SSTR4: variants seen among roughly 807,000 people sequenced by gnomAD.
SSTR4 encodes the protein somatostatin receptor type 4.
For synonymous variants in SSTR4, 272 were observed against 246.3 expected (o/e 1.10, Z -0.98); for missense variants, 649 against 540.6 (o/e 1.20, Z -1.99).
chr20:23,036,835 C>T lies in SSTR4; in HGVS notation c.*185C>T. 1.6e-6 allele frequency: 1 copy of T among 626,558 alleles called. No homozygotes were observed. Among genetic ancestry groups the T allele is most frequent in the South Asian group, 3.3e-5 (1 of 30,510 alleles). The allele number at this position is 626,558 out of a possible 1,614,324, so 38.8% of individuals were successfully genotyped here. ...TGCTCTCCTCTCCCCTGCACTCTGG[C>T]TTTCAAAAGGATGCTTCCATATGGG... On this transcript the variant is annotated 3_prime_UTR_variant, in exon 1 of 1. Transcript: ENST00000255008.
At position 23,038,538 on chromosome 20, in the gene SSTR4, G is replaced by C. The variant is rs1252906319; in HGVS notation, c.*1888G>C. On this transcript the variant is annotated 3_prime_UTR_variant, in exon 1 of 1. Transcript: ENST00000255008. ...AGCCTTTTTAACTTAGTTGATGAAG[G>C]TTGAAGGAGAGGCAGCTTCAGGTGA... Among the ~76,000 whole-genome samples the C allele has an allele frequency of 6.6e-6, 1 of 152,176 alleles. No homozygotes were observed. The highest frequency in any genetic ancestry group is 2.4e-5 in the African/African-American group (1 of 41,412).
chr20:23,038,313 G>T lies in SSTR4; in HGVS notation c.*1663G>T, dbSNP rs1461385923. 1 of 152,220 alleles carries T rather than the reference G, an allele frequency of 6.6e-6. No individual in the cohort carries two copies. Among genetic ancestry groups the T allele is most frequent in the Non-Finnish European group, 1.5e-5 (1 of 68,064 alleles). The allele number at this position is 152,220 out of a possible 1,614,324, so 9.4% of individuals were successfully genotyped here. A position where few individuals can be genotyped will look rare whatever the true frequency, so the allele number is the denominator to read the frequency against. On this transcript the variant is annotated 3_prime_UTR_variant, in exon 1 of 1. Coordinates refer to ENST00000255008, the MANE Select transcript of SSTR4 (RefSeq NM_001052.4). The stretch of plus-strand genomic sequence containing the variant: ...CAGGTTGATAGTAGTGAGGTGAGGG[G>T]TTCACAGCACTGGCAGTGGTCCCCA...
At position 23,037,904 on chromosome 20, in the gene SSTR4, G is replaced by A. The variant is rs1392744512; in HGVS notation, c.*1254G>A. Among the ~76,000 whole-genome samples the A allele has an allele frequency of 1.3e-5, 2 of 152,158 alleles. No individual in the cohort carries two copies. Among genetic ancestry groups the A allele is most frequent in the Non-Finnish European group, 1.5e-5 (1 of 68,028 alleles). The stretch of plus-strand genomic sequence containing the variant: ...TGGTATGGGGAAGATGGTGTGGGGA[G>A]GGGGAGAGACAGCCAAAGGTCAACA... On this transcript the variant is annotated 3_prime_UTR_variant, in exon 1 of 1. Transcript: ENST00000255008.
In SSTR4 at chr20:23,035,570, G is replaced by C. The variant is rs1464705954; in HGVS notation, c.87G>C (p.Pro29=). 1.5e-5 allele frequency: 23 copies of C among 1,580,436 alleles called. No homozygotes were observed. The highest frequency in any genetic ancestry group is 2.0e-5 in the Non-Finnish European group (23 of 1,166,666). ...WPSAANASSA[P]AEAEEAVAGP... ...CTGCAGCCAATGCCAGTAGCGCTCC[G>C]GCGGAGGCGGAGGAGGCGGTGGCGG... is the stretch of plus-strand genomic sequence containing the variant. Residue 29 remains proline, a synonymous_variant, in exon 1 of 1, where the codon CCG becomes CCC. Transcript: ENST00000255008.
At position 23,038,409 on chromosome 20, in the gene SSTR4, ACTCT is replaced by A. The variant is rs1984385306; in HGVS notation, c.*1762_*1765del. On this transcript the variant is annotated 3_prime_UTR_variant, in exon 1 of 1. Transcript: ENST00000255008. ...GTCTCTCAGTGATCAGACTGGGCAAACTCTCTGATAAGCAAGACAGGGCACCTAC... is the reference window on the plus strand; with the variant it reads ...GTCTCTCAGTGATCAGACTGGGCAAACTGATAAGCAAGACAGGGCACCTAC... 6.6e-6 allele frequency: 1 copy of A among 152,072 alleles called. No homozygotes were observed. Among genetic ancestry groups the A allele is most frequent in the Non-Finnish European group, 1.5e-5 (1 of 68,048 alleles). The allele number at this position is 152,072 out of a possible 1,614,324, so 9.4% of individuals were successfully genotyped here.
rs1205919696 is a variant in SSTR4, at chr20:23,036,085, A to G, written c.602A>G (p.Gln201Arg). 1 of 1,598,026 alleles carries G rather than the reference A, an allele frequency of 6.3e-7. No homozygotes were observed. Among genetic ancestry groups the G allele is most frequent in the African/African-American group, 1.3e-5 (1 of 74,846 alleles). The change falls in exon 1 of 1, where the codon CAG becomes CGG. Residue 201 changes from glutamine to arginine, a missense_variant. Coordinates refer to ENST00000255008, the MANE Select transcript of SSTR4 (RefSeq NM_001052.4). ...GGCCAGGCCGTGGCCTGCAACCTGCAGTGGCCACACCCGGCCTGGTCGGCA... is the reference window on the plus strand; with the variant it reads ...GGCCAGGCCGTGGCCTGCAACCTGCGGTGGCCACACCCGGCCTGGTCGGCA... ...RGGQAVACNL[Q>R]WPHPAWSAVF... is the part of the protein sequence containing the mutation.
rs1464108699 is a variant in SSTR4, at chr20:23,036,387, G to A, written c.904G>A (p.Ala302Thr). 1 of 1,613,988 alleles carries A rather than the reference G, an allele frequency of 6.2e-7. No homozygotes were observed. Among genetic ancestry groups the A allele is most frequent in the Non-Finnish European group, 8.5e-7 (1 of 1,179,984 alleles). Residue 302 changes from alanine to threonine, a missense_variant, in exon 1 of 1, where the codon GCC becomes ACC. Coordinates refer to ENST00000255008, the MANE Select transcript of SSTR4 (RefSeq NM_001052.4). ...VNHVSLILSY[A>T]NSCANPILYG... Reference sequence around the variant, plus strand: ...CCACGTGTCCCTTATCCTTAGCTATGCCAACAGCTGCGCCAACCCCATTCT... The same window carrying A: ...CCACGTGTCCCTTATCCTTAGCTATACCAACAGCTGCGCCAACCCCATTCT...
chr20:23,035,535 G>T lies in SSTR4; in HGVS notation c.52G>T (p.Ala18Ser). The T allele has an allele frequency of 6.3e-7, 1 of 1,591,142 alleles. No individual in the cohort carries two copies. The highest frequency in any genetic ancestry group is 8.5e-7 in the Non-Finnish European group (1 of 1,171,692). Reference protein sequence around the residue: ...PPGGEEGLGTAWPSAANASSA... With the variant: ...PPGGEEGLGTSWPSAANASSA... ...CGGGGGCGAGGAAGGGCTGGGGACG[G>T]CCTGGCCCTCTGCAGCCAATGCCAG... The change falls in exon 1 of 1, where the codon GCC (alanine) becomes TCC (serine). Residue 18 changes from alanine to serine, a missense_variant. Physicochemically the swap from Ala to Ser is moderately conservative, Grantham distance 99. Coordinates refer to ENST00000255008, the MANE Select transcript of SSTR4 (RefSeq NM_001052.4).
In SSTR4 at chr20:23,035,826, G is replaced by T; in HGVS notation, c.343G>T (p.Gly115Cys). ...GGCCGCCCTGCGCCACTGGCCCTTCGGCTCCGTGCTGTGCCGCGCGGTGCT... is the reference window on the plus strand; with the variant it reads ...GGCCGCCCTGCGCCACTGGCCCTTCTGCTCCGTGCTGTGCCGCGCGGTGCT... Reference protein sequence around the residue: ...SSAALRHWPFGSVLCRAVLSV... With the variant: ...SSAALRHWPFCSVLCRAVLSV... Residue 115 changes from glycine (G) to cysteine (C), a missense_variant, in exon 1 of 1, where the codon GGC (glycine) becomes TGC (cysteine). Physicochemically the swap from Gly to Cys is radical, Grantham distance 159. Transcript: ENST00000255008. 6.3e-7 allele frequency: 1 copy of T among 1,591,358 alleles called. No homozygotes were observed. Among genetic ancestry groups the T allele is most frequent in the Non-Finnish European group, 8.6e-7 (1 of 1,168,958 alleles).
In SSTR4 at chr20:23,035,538, T is replaced by C; in HGVS notation, c.55T>C (p.Trp19Arg). 6.3e-7 allele frequency: 1 copy of C among 1,592,612 alleles called. No individual in the cohort carries two copies. Residue 19 changes from tryptophan to arginine, a missense_variant, in exon 1 of 1, where the codon TGG becomes CGG. Transcript: ENST00000255008. ...PGGEEGLGTA[W>R]PSAANASSAP... is the part of the protein sequence containing the mutation. Reference sequence around the variant, plus strand: ...GGGCGAGGAAGGGCTGGGGACGGCCTGGCCCTCTGCAGCCAATGCCAGTAG... The same window carrying C: ...GGGCGAGGAAGGGCTGGGGACGGCCCGGCCCTCTGCAGCCAATGCCAGTAG...
In SSTR4 at chr20:23,037,108, C is replaced by T. The variant is rs1984351888; in HGVS notation, c.*458C>T. ...GGAGGAAGGAAGATGCCCCCAGGCA[C>T]CTGCCCTTTATGTCTCTTCCTGAGC... On this transcript the variant is annotated 3_prime_UTR_variant, in exon 1 of 1. Transcript: ENST00000255008. Among the ~76,000 whole-genome samples the T allele has an allele frequency of 1.3e-5, 2 of 152,182 alleles. No homozygotes were observed. The highest frequency in any genetic ancestry group is 4.8e-5 in the African/African-American group (2 of 41,442).
chr20:23,035,501 G>A lies in SSTR4; in HGVS notation c.18G>A (p.Thr6=). 1 of 1,551,860 alleles carries A rather than the reference G, an allele frequency of 6.4e-7. No individual in the cohort carries two copies. The change falls in exon 1 of 1, where the codon ACG becomes ACA. Residue 6 remains threonine (T), a synonymous_variant. Transcript: ENST00000255008. The stretch of plus-strand genomic sequence containing the variant: ...CCCTGGTCATGAGCGCCCCCTCGAC[G>A]CTGCCCCCCGGGGGCGAGGAAGGGC... MSAPS[T]LPPGGEEGLG... is the part of the protein sequence containing the mutation.
At position 23,035,646 on chromosome 20, in the gene SSTR4, G is replaced by T. The variant is rs749577596; in HGVS notation, c.163G>T (p.Ala55Ser). The T allele has an allele frequency of 1.3e-6, 2 of 1,539,688 alleles. No individual in the cohort carries two copies. Among genetic ancestry groups the T allele is most frequent in the Admixed American group, 2.0e-5 (1 of 48,788 alleles). The stretch of plus-strand genomic sequence containing the variant: ...CATGGTCGCTATCCAGTGCATCTAC[G>T]CGCTGGTGTGCCTGGTGGGGCTGGT... Reference protein sequence around the residue: ...AGMVAIQCIYALVCLVGLVGN... With the variant: ...AGMVAIQCIYSLVCLVGLVGN... The change falls in exon 1 of 1, where the codon GCG becomes TCG. Residue 55 changes from alanine (A) to serine (S), a missense_variant. Coordinates refer to ENST00000255008, the MANE Select transcript of SSTR4 (RefSeq NM_001052.4).
chr20:23,038,522 A>G lies in SSTR4; in HGVS notation c.*1872A>G, dbSNP rs1011399214. Reference sequence around the variant, plus strand: ...TCTATTTAGAAATGTCAGCCTTTTTAACTTAGTTGATGAAGGTTGAAGGAG... The same window carrying G: ...TCTATTTAGAAATGTCAGCCTTTTTGACTTAGTTGATGAAGGTTGAAGGAG... On this transcript the variant is annotated 3_prime_UTR_variant, in exon 1 of 1. Coordinates refer to ENST00000255008, the MANE Select transcript of SSTR4 (RefSeq NM_001052.4). Among the ~76,000 whole-genome samples, 2 of 152,186 alleles carry G rather than the reference A, an allele frequency of 1.3e-5. No homozygotes were observed. Among genetic ancestry groups the G allele is most frequent in the Non-Finnish European group, 2.9e-5 (2 of 68,028 alleles).
chr20:23,036,311 C>G lies in SSTR4; in HGVS notation c.828C>G (p.Tyr276Ter). ...TTGTGCTCTGCTGGATGCCTTTCTA[C>G]GTGGTGCAGCTGCTGAACCTCTTCG... ...VVFVLCWMPF[Y>*]VVQLLNLFVT... The change falls in exon 1 of 1, where the codon TAC becomes TAG. Residue 276 changes from tyrosine to a stop codon, truncating the protein, a stop_gained. Coordinates refer to ENST00000255008, the MANE Select transcript of SSTR4 (RefSeq NM_001052.4). LOFTEE classifies it low-confidence loss of function (END_TRUNC). 6.2e-7 allele frequency: 1 copy of G among 1,614,154 alleles called. No homozygotes were observed. Among genetic ancestry groups the G allele is most frequent in the Non-Finnish European group, 8.5e-7 (1 of 1,180,008 alleles).
At position 23,035,593 on chromosome 20, in the gene SSTR4, C is replaced by T. The variant is rs770013761; in HGVS notation, c.110C>T (p.Ala37Val). Residue 37 changes from alanine (A) to valine (V), a missense_variant, in exon 1 of 1, where the codon GCG (alanine) becomes GTG (valine). Coordinates refer to ENST00000255008, the MANE Select transcript of SSTR4 (RefSeq NM_001052.4). ...SAPAEAEEAV[A>V]GPGDARAAGM... ...CCGGCGGAGGCGGAGGAGGCGGTGG[C>T]GGGGCCCGGGGACGCGCGGGCGGCG... 2 of 1,560,460 alleles carry T rather than the reference C, an allele frequency of 1.3e-6. No individual in the cohort carries two copies. The highest frequency in any genetic ancestry group is 1.7e-6 in the Non-Finnish European group (2 of 1,157,766).
In SSTR4 at chr20:23,036,907, C is replaced by G. The variant is rs1323281875; in HGVS notation, c.*257C>G. Reference sequence around the variant, plus strand: ...GCTAGGATATTAATCATTCCTGAACCTCTGGCTGTTCTTCAAGGGCTGGGA... The same window carrying G: ...GCTAGGATATTAATCATTCCTGAACGTCTGGCTGTTCTTCAAGGGCTGGGA... On this transcript the variant is annotated 3_prime_UTR_variant, in exon 1 of 1. Coordinates refer to ENST00000255008, the MANE Select transcript of SSTR4 (RefSeq NM_001052.4). The G allele has an allele frequency of 6.8e-6, 3 of 439,120 alleles. No individual in the cohort carries two copies. Among genetic ancestry groups the G allele is most frequent in the Admixed American group, 3.8e-5 (1 of 25,994 alleles). The allele number at this position is 439,120 out of a possible 1,614,324, so 27.2% of individuals were successfully genotyped here. A position where few individuals can be genotyped will look rare whatever the true frequency, so the allele number is the denominator to read the frequency against.
rs1038784561 is a variant in SSTR4 at position 23,038,637 on chromosome 20, A to G, written c.*1987A>G. ...CGTGAGCAGTGATTTAACCTCTCTA[A>G]GCCTCAGTTTCCCACTTGGAATATG... On this transcript the variant is annotated 3_prime_UTR_variant, in exon 1 of 1. Transcript: ENST00000255008. 1.3e-5 allele frequency among the ~76,000 whole-genome samples: 2 copies of G among 152,204 alleles called. No individual in the cohort carries two copies. Among genetic ancestry groups the G allele is most frequent in the Non-Finnish European group, 2.9e-5 (2 of 68,026 alleles).
chr20:23,036,362 C>T lies in SSTR4; in HGVS notation c.879C>T (p.Asn293=). 1 of 1,614,156 alleles carries T rather than the reference C, an allele frequency of 6.2e-7. No individual in the cohort carries two copies. Among genetic ancestry groups the T allele is most frequent in the Non-Finnish European group, 8.5e-7 (1 of 1,180,004 alleles). ...TGACCAGCCTTGATGCCACCGTCAA[C>T]CACGTGTCCCTTATCCTTAGCTATG... is the stretch of plus-strand genomic sequence containing the variant. ...LFVTSLDATV[N]HVSLILSYAN... Residue 293 remains asparagine, a synonymous_variant, in exon 1 of 1, where the codon AAC becomes AAT. Coordinates refer to ENST00000255008, the MANE Select transcript of SSTR4 (RefSeq NM_001052.4).
Sources: gnomAD v4.1 joint callset for allele counts (sites outside exome capture counted in the v4.1 genomes callset) on GRCh38, gnomAD v4.1.1 for gene constraint, MANE v1.5 for transcripts, NCBI Gene and HGNC (gene_info 2026-07-23, HGNC 2026-07-21) for gene names.